Variants in ADGRE5 observed in about 807,000 individuals in gnomAD.
ADGRE5 encodes the protein adhesion G protein-coupled receptor E5.
ADGRE5 carries 72 observed loss-of-function variants against 100.3 expected under a neutral mutation model. That is an observed-to-expected ratio of 0.72 (90% CI 0.59 to 0.87). The LOEUF (loss-of-function observed/expected upper bound fraction) is 0.87. Among genes scored for constraint, ADGRE5 ranks in the 40% least tolerant of loss-of-function variants. The probability of loss-of-function intolerance (pLI) is 0.00; values close to 1 mark genes in which losing one functional copy is unlikely to be tolerated. For synonymous variants in ADGRE5, 439 were observed against 447.8 expected, an observed-to-expected ratio of 0.98 and a Z score of 0.25; for missense variants, 959 against 1,094.7, an observed-to-expected ratio of 0.88 and a Z score of 1.75.
intron 1 of ADGRE5, among the ~76,000 whole-genome samples, chr19:14,384,930 C>T (rs1157746955): frequency 6.8e-6 from 1 of 146,056 alleles, no homozygotes; most frequent in African/African-American, 2.5e-5. Context: ...CTGTCTCCGT[C>T]TCTGTCCCTC....
intron 9 of ADGRE5, among the ~76,000 whole-genome samples, chr19:14,399,465 G>A (rs1222618405): frequency 6.7e-6 from 1 of 149,130 alleles, no homozygotes; most frequent in Non-Finnish European, 1.5e-5. Context: ...TTGGGAGGCT[G>A]AGGCAGGAGA....
At chr19:14,381,632 G>T in intron 1 of ADGRE5, 87 bp downstream of exon 1, 1 of 1,459,326 alleles carries the variant, frequency 6.9e-7, no homozygotes, top group South Asian at 1.2e-5. Context: ...GGCGCCGCTG[G>T]TGTCTGTGGG....
chr19:14,395,414 G>T (rs564567592), intron 4 of ADGRE5, among the ~76,000 whole-genome samples: 82 of 152,154 alleles, frequency 5.4e-4, no homozygotes, highest in African/African-American at 1.9e-3. Context: ...TCCCAGGCCC[G>T]ATCCTCTCCT....
Position 14,404,564 on chromosome 19 carries a change from T to A in ADGRE5, c.1629+2T>A. 6.2e-7 allele frequency: 1 copy of A among 1,611,614 alleles called. No individual in the cohort carries two copies. Among genetic ancestry groups the A allele is most frequent in the Non-Finnish European group, 8.5e-7 (1 of 1,179,116 alleles). On this transcript the variant is annotated splice_donor_variant, in intron 13 of 19. Transcript: ENST00000242786. LOFTEE classifies it high-confidence loss of function. ...CTTATGGCTCATTATGACGTGGAGG[T>A]AAGTAGCTGGAGGCATCCTCAAGTG... is the stretch of plus-strand genomic sequence containing the variant.
At chr19:14,394,984 G>A (rs893216266) in intron 4 of ADGRE5, among the ~76,000 whole-genome samples, 1 of 152,158 alleles carries the variant, frequency 6.6e-6, no homozygotes, top group African/African-American at 2.4e-5. Context: ...CCAGGTGTGG[G>A]CAGCGTGATG....
intron 9 of ADGRE5, among the ~76,000 whole-genome samples, chr19:14,399,479 G>A (rs2037299826): frequency 2.0e-5 from 3 of 148,612 alleles, no homozygotes; most frequent in African/African-American, 7.4e-5. Flanking sequence ...CAGGAGAATG[G>A]CGTGAACCCG....
In ADGRE5 at chr19:14,396,469, C is replaced by T. The variant is rs1483871693; in HGVS notation, c.474C>T (p.Cys158=). Residue 158 remains cysteine (C), a synonymous_variant, in exon 5 of 20, where the codon TGC becomes TGT. Coordinates refer to ENST00000242786, the MANE Select transcript of ADGRE5 (RefSeq NM_078481.4). ...TCATACCTGAGGATCCGAAGGTCTG[C>T]ACAGGTAGAGGCCCCAGGAAGACGC... ...FKFIPEDPKV[C]TDVNECTSGQ... The T allele has an allele frequency of 2.5e-6, 4 of 1,614,240 alleles. No individual in the cohort carries two copies. The East Asian group carries it at 6.7e-5, about 27-fold the overall frequency.
At position 14,406,015 on chromosome 19, in the gene ADGRE5, G is replaced by C; in HGVS notation, c.1821+76G>C. ...GAGGGGTTAGCCCCGCCCACTCCCGGGGCTCAGTCGGGTAGGCGGGCCCTG... is the reference window on the plus strand; with the variant it reads ...GAGGGGTTAGCCCCGCCCACTCCCGCGGCTCAGTCGGGTAGGCGGGCCCTG... On this transcript the variant is annotated intron_variant, in intron 14 of 19. Coordinates refer to ENST00000242786, the MANE Select transcript of ADGRE5 (RefSeq NM_078481.4). The surrounding 1 kb of genome is among the most constrained non-coding windows in gnomAD (Gnocchi z 6.0). 2.3e-6 allele frequency: 3 copies of C among 1,310,094 alleles called. No homozygotes were observed. The highest frequency in any genetic ancestry group is 3.0e-5 in the African/African-American group (2 of 67,418). 81.2% of individuals were successfully genotyped at this position (1,310,094 alleles called of 1,614,324 possible).
chr19:14,407,803 C>CA (rs1396841999), intron 18 of ADGRE5, 105 bp from the exon 19 acceptor site: 8 of 968,790 alleles, frequency 8.3e-6, no homozygotes, highest in Admixed American at 2.2e-5. Flanking sequence ...AAAAAAAAGA[C>CA]AAACACAAAA....
chr19:14,393,439 C>T (rs1050225947), intron 4 of ADGRE5, among the ~76,000 whole-genome samples: 2 of 152,202 alleles, frequency 1.3e-5, no homozygotes, highest in Non-Finnish European at 2.9e-5. Context: ...CAGGCTTTGC[C>T]TATTTTCCAG....
chr19:14,384,552 C>A (rs559960956), intron 1 of ADGRE5, among the ~76,000 whole-genome samples: 2 of 152,126 alleles, frequency 1.3e-5, no homozygotes, highest in East Asian at 1.9e-4. Flanking sequence ...ATTCCCAGAT[C>A]GGCAGGGACT....
chr19:14,389,552 G>A (rs1433936242), intron 3 of ADGRE5, among the ~76,000 whole-genome samples: 1 of 151,280 alleles, frequency 6.6e-6, no homozygotes, highest in East Asian at 2.0e-4. Flanking sequence ...GGCCAACATG[G>A]TGAAACCTCC....
intron 4 of ADGRE5, 161 bp downstream of exon 4, chr19:14,391,240 G>A (rs1465641984): frequency 4.6e-6 from 4 of 872,778 alleles, no homozygotes; most frequent in Non-Finnish European, 7.0e-6. Context: ...CCCCAGAGAG[G>A]CAGAGTGATG....
chr19:14,388,318 G>A, intron 1 of ADGRE5, 132 bp from the exon 2 acceptor site: 2 of 1,480,316 alleles, frequency 1.4e-6, no homozygotes, highest in East Asian at 2.4e-5. Flanking sequence ...CATGACATCT[G>A]CTCACTCTGA....
At chr19:14,384,189 G>C (rs922981000) in intron 1 of ADGRE5, among the ~76,000 whole-genome samples, 2 of 152,042 alleles carry the variant, frequency 1.3e-5, no homozygotes, top group African/African-American at 4.8e-5. Context: ...TGGGGAGTAC[G>C]GGCTTGGGCT....
intron 9 of ADGRE5, 168 bp downstream of exon 9, chr19:14,398,307 G>A: frequency 1.6e-6 from 1 of 631,496 alleles, no homozygotes; most frequent in Non-Finnish European, 2.9e-6. Context: ...TACACACCCG[G>A]ACACGTGAAG....
In ADGRE5 at chr19:14,407,154, G is replaced by A; in HGVS notation, c.2301G>A (p.Leu767=). The A allele has an allele frequency of 2.5e-6, 4 of 1,614,168 alleles. No individual in the cohort carries two copies. The highest frequency in any genetic ancestry group is 3.4e-6 in the Non-Finnish European group (4 of 1,180,040). ...TCTTCGACGATCGGAGCTTGGTGCT[G>A]ACCTATGTGTTTACCATCCTCAACT... ...LFIFDDRSLV[L]TYVFTILNCL... Residue 767 remains leucine, a synonymous_variant, in exon 18 of 20, where the codon CTG becomes CTA. Coordinates refer to ENST00000242786, the MANE Select transcript of ADGRE5 (RefSeq NM_078481.4).
At position 14,381,564 on chromosome 19, in the gene ADGRE5, C is replaced by A; in HGVS notation, c.22+19C>A. The A allele has an allele frequency of 6.3e-7, 1 of 1,597,022 alleles. No homozygotes were observed. The highest frequency in any genetic ancestry group is 8.5e-7 in the Non-Finnish European group (1 of 1,175,238). ...TTTCTCGGTAAGTACTTTGGGGCCC[C>A]GCTGGGAGGGGCGAGGAAGCTCCAG... On this transcript the variant is annotated intron_variant, in intron 1 of 19. Transcript: ENST00000242786.
intron 9 of ADGRE5, among the ~76,000 whole-genome samples, chr19:14,400,222 A>T (rs1333712513): frequency 6.6e-6 from 1 of 151,848 alleles, no homozygotes; most frequent in Non-Finnish European, 1.5e-5. Flanking sequence ...GGATTTCACC[A>T]TGTTAGCCAG....
Sources: gnomAD v4.1 joint callset for allele counts (sites outside exome capture counted in the v4.1 genomes callset) on GRCh38, gnomAD v4.1.1 for gene constraint, Gnocchi (gnomAD v3.1) non-coding constraint, MANE v1.5 for transcripts, NCBI Gene and HGNC (gene_info 2026-07-23, HGNC 2026-07-21) for gene names.